The following IARS1 variants were observed in gnomAD, a reference collection of about 807,000 sequenced individuals.
The protein encoded by IARS1 is isoleucyl-tRNA synthetase 1.
IARS1 carries 124 observed loss-of-function variants against 168.2 expected under a neutral mutation model. That is an observed-to-expected ratio of 0.74 (90% CI 0.64 to 0.86). The LOEUF is 0.86. Ranked by LOEUF, IARS1 falls within the 40% of genes least tolerant of loss-of-function variation. The pLI is 0.00. For missense variants in IARS1, 1,452 were observed against 1,515.8 expected, an observed-to-expected ratio of 0.96 and a Z score of 0.70; for synonymous variants, 532 against 529.4, an observed-to-expected ratio of 1.00 and a Z score of -0.07.
At chr9:92,290,588 T>C (rs1047047960) in intron 1 of IARS1, among the ~76,000 whole-genome samples, 1 of 152,232 alleles carries the variant, frequency 6.6e-6, no homozygotes, top group South Asian at 2.1e-4. Context: ...GCTTGAGCTT[T>C]TGGTGTCATC....
At chr9:92,284,726 G>A (rs572811910) in intron 6 of IARS1, among the ~76,000 whole-genome samples, 6 of 152,192 alleles carry the variant, frequency 3.9e-5, no homozygotes, top group East Asian at 3.9e-4. Flanking sequence ...CCAAGATCGC[G>A]CCACTGCACT....
At chr9:92,217,085 A>G (rs202034828) in intron 33 of IARS1, among the ~76,000 whole-genome samples, 15,055 of 148,722 alleles carry the variant, frequency 0.1, 765 homozygotes, top group Middle Eastern at 0.14. Flanking sequence ...CTCAGACCAC[A>G]GTGCAATCAA....
chr9:92,253,992 G>A, intron 20 of IARS1: 3 of 422,496 alleles, frequency 7.1e-6, no homozygotes, highest in Non-Finnish European at 1.4e-5. Context: ...TTGGAGGGTA[G>A]CACGGTGCTA....
chr9:92,252,491 G>A, intron 21 of IARS1: 2 of 459,592 alleles, frequency 4.4e-6, no homozygotes, highest in African/African-American at 4.0e-5. Context: ...GACTGGCCAG[G>A]CACGGTGGTT....
intron 30 of IARS1, among the ~76,000 whole-genome samples, chr9:92,231,639 G>C (rs2133500446): frequency 6.6e-6 from 1 of 150,760 alleles, no homozygotes; most frequent in East Asian, 1.9e-4. Context: ...TGTTAGTCAG[G>C]CTGGTCTTGA....
chr9:92,267,767 AAAGGTCTGT>A (rs776717529), intron 14 of IARS1, among the ~76,000 whole-genome samples: 31 of 152,234 alleles, frequency 2.0e-4, no homozygotes, highest in Admixed American at 5.9e-4. Flanking sequence ...TTTAGAAGTT[AAAGGTCTGT>A]AATGCTTTGG....
At chr9:92,219,130 C>G (rs1392410562) in intron 33 of IARS1, among the ~76,000 whole-genome samples, 1 of 152,160 alleles carries the variant, frequency 6.6e-6, no homozygotes, top group East Asian at 1.9e-4. Flanking sequence ...GTATCTACAA[C>G]TATCTGATCT....
intron 3 of IARS1, 61 bp downstream of exon 3, chr9:92,288,065 G>A: frequency 6.4e-7 from 1 of 1,552,348 alleles, no homozygotes; most frequent in East Asian, 2.3e-5. Context: ...CATATTATAT[G>A]ACAAAATCTA....
intron 27 of IARS1, 74 bp downstream of exon 27, chr9:92,244,885 G>T: frequency 8.4e-7 from 1 of 1,192,932 alleles, no homozygotes; most frequent in Non-Finnish European, 1.2e-6. Context: ...TATCAGGAAA[G>T]GCACAGGCAA....
At chr9:92,222,780 G>T in intron 32 of IARS1, 108 bp from the exon 33 acceptor site, 1 of 980,086 alleles carries the variant, frequency 1.0e-6, no homozygotes, top group Non-Finnish European at 1.5e-6. Context: ...GGCCAGCAGT[G>T]CGTCCAGGAG....
At chr9:92,215,113 C>A (rs989637124) in intron 33 of IARS1, among the ~76,000 whole-genome samples, 13 of 152,172 alleles carry the variant, frequency 8.5e-5, no homozygotes, top group African/African-American at 3.1e-4. Context: ...GGTCCCTGAC[C>A]CCTGACCCCC....
At chr9:92,234,753 G>A (rs564397009) in intron 30 of IARS1, among the ~76,000 whole-genome samples, 41 of 152,170 alleles carry the variant, frequency 2.7e-4, no homozygotes, top group African/African-American at 9.4e-4. Context: ...ATCATCACAG[G>A]TCTAAATAAA....
At chr9:92,233,559 T>C (rs10992279) in intron 30 of IARS1, among the ~76,000 whole-genome samples, 8,703 of 152,316 alleles carry the variant, frequency 0.057, 364 homozygotes, top group Middle Eastern at 0.22. Context: ...AACTAATTCA[T>C]GATGCTGTCA....
At chr9:92,278,451 C>T (rs1564185578) in intron 7 of IARS1, among the ~76,000 whole-genome samples, 165 bp from the exon 8 acceptor site, 1 of 152,182 alleles carries the variant, frequency 6.6e-6, no homozygotes, top group Non-Finnish European at 1.5e-5. Context: ...TGGTATACTG[C>T]TTCCCAAACA....
intron 26 of IARS1, 46 bp from the exon 27 acceptor site, chr9:92,245,117 A>T: frequency 3.4e-6 from 5 of 1,472,274 alleles, no homozygotes; most frequent in Middle Eastern, 3.4e-4. Flanking sequence ...CCTCCTCTTC[A>T]AGCTGCCCCA....
chr9:92,221,815 A>G (rs566918936), intron 33 of IARS1, among the ~76,000 whole-genome samples: 1 of 152,328 alleles, frequency 6.6e-6, no homozygotes, highest in South Asian at 2.1e-4. Flanking sequence ...AGCATGTTTT[A>G]TAAACTGTAA....
At chr9:92,257,286 AC>A in intron 19 of IARS1, among the ~76,000 whole-genome samples, 1 of 152,206 alleles carries the variant, frequency 6.6e-6, no homozygotes. Context: ...TCCTTGCTCT[AC>A]AAACAGAACT....
intron 19 of IARS1, among the ~76,000 whole-genome samples, chr9:92,257,737 C>T (rs1830924278): frequency 6.6e-6 from 1 of 152,172 alleles, no homozygotes. Flanking sequence ...TTCATTTTTC[C>T]AACCAGCTTT....
chr9:92,269,776 A>G (rs1832764040), intron 13 of IARS1, 109 bp downstream of exon 13: 1 of 689,370 alleles, frequency 1.5e-6, no homozygotes, highest in East Asian at 2.6e-5. Context: ...AGCTATTACA[A>G]TACCCAATAA....
Sources: gnomAD v4.1 joint callset for allele counts (sites outside exome capture counted in the v4.1 genomes callset) on GRCh38, gnomAD v4.1.1 for gene constraint, MANE v1.5 for transcripts, NCBI Gene and HGNC (gene_info 2026-07-23, HGNC 2026-07-21) for gene names.